SHOC1: variants seen among roughly 807,000 people sequenced by gnomAD.
SHOC1 encodes shortage in chiasmata 1, also known as protein shortage in chiasmata 1 ortholog.
In SHOC1, 136 loss-of-function variants were observed where a neutral mutation model predicts 179.2. The observed-to-expected ratio is 0.76, with a 90% CI of 0.66 to 0.87. The LOEUF is 0.87. Among genes scored for constraint, SHOC1 ranks in the 40% least tolerant of loss-of-function variants. The pLI is 0.00. For missense variants in SHOC1, 1,538 were observed against 1,700.8 expected, an observed-to-expected ratio of 0.90 and a Z score of 1.68; for synonymous variants, 489 against 586.6, an observed-to-expected ratio of 0.83 and a Z score of 2.41.
intron 27 of SHOC1, among the ~76,000 whole-genome samples, chr9:111,690,249 C>A (rs898312546): frequency 6.6e-6 from 1 of 152,038 alleles, no homozygotes; most frequent in Middle Eastern, 3.2e-3. Flanking sequence ...CATAACAAAA[C>A]CCTGTCTCTA....
At chr9:111,695,441 T>G (rs750650040) in intron 24 of SHOC1, among the ~76,000 whole-genome samples, 11 of 152,158 alleles carry the variant, frequency 7.2e-5, no homozygotes, top group Non-Finnish European at 1.3e-4. Context: ...ATTGCTAGTT[T>G]TGGGTGTTTT....
At chr9:111,756,572 C>A in intron 7 of SHOC1, 94 bp from the exon 8 acceptor site, 1 of 1,055,468 alleles carries the variant, frequency 9.5e-7, no homozygotes, top group South Asian at 1.5e-5. Flanking sequence ...AAATGATGTG[C>A]CAAATTTTAA....
chr9:111,703,940 C>T lies in SHOC1; in HGVS notation c.2908G>A (p.Gly970Arg). The change falls in exon 22 of 28, where the codon GGA (glycine) becomes AGA (arginine). Residue 970 changes from glycine (G) to arginine (R), a missense_variant. Coordinates refer to ENST00000682961, the MANE Select transcript of SHOC1 (RefSeq NM_001378211.1). The stretch of plus-strand genomic sequence containing the variant: ...ACCACTACATAACACTCTGAACTTC[C>T]AAAGAGTTTCAATGACTCACTGCAG... ...RGCSESLKLF[G>R]SSECYVVVTI... 1 of 1,608,834 alleles carries T rather than the reference C, an allele frequency of 6.2e-7. No individual in the cohort carries two copies. The highest frequency in any genetic ancestry group is 1.1e-5 in the South Asian group (1 of 90,752).
At chr9:111,756,236 G>T in intron 8 of SHOC1, 89 bp downstream of exon 8, 1 of 1,092,112 alleles carries the variant, frequency 9.2e-7, no homozygotes, top group Non-Finnish European at 1.2e-6. Flanking sequence ...AAATCTGGAG[G>T]TTCAGAAAAA....
At chr9:111,701,220 CT>C (rs1233222623) in intron 23 of SHOC1, among the ~76,000 whole-genome samples, 1 of 152,118 alleles carries the variant, frequency 6.6e-6, no homozygotes, top group Non-Finnish European at 1.5e-5. Flanking sequence ...CAAACAATTT[CT>C]TTTGTATTTT....
chr9:111,708,972 A>T (rs1281457786), intron 18 of SHOC1, among the ~76,000 whole-genome samples: 1 of 152,246 alleles, frequency 6.6e-6, no homozygotes, highest in African/African-American at 2.4e-5. Flanking sequence ...TTTACTTGAC[A>T]TGACAATAGT....
At chr9:111,758,448 T>C (rs1168861095) in intron 6 of SHOC1, among the ~76,000 whole-genome samples, 1 of 152,068 alleles carries the variant, frequency 6.6e-6, no homozygotes, top group Non-Finnish European at 1.5e-5. Context: ...ATACAAAAAT[T>C]AGCTGGGCAC....
At chr9:111,782,687 C>T (rs1251214597) in intron 3 of SHOC1, among the ~76,000 whole-genome samples, 5 of 151,964 alleles carry the variant, frequency 3.3e-5, no homozygotes, top group Admixed American at 2.6e-4. Context: ...CTTAATAAAA[C>T]TGGCTTTCTT....
At chr9:111,766,388 C>G (rs1835360373) in intron 5 of SHOC1, among the ~76,000 whole-genome samples, 1 of 151,986 alleles carries the variant, frequency 6.6e-6, no homozygotes, top group Non-Finnish European at 1.5e-5. Flanking sequence ...GATATAATTT[C>G]CTTTCTTTTC....
intron 19 of SHOC1, among the ~76,000 whole-genome samples, chr9:111,707,273 A>G (rs1284385390): frequency 6.6e-6 from 1 of 152,084 alleles, no homozygotes; most frequent in Non-Finnish European, 1.5e-5. Context: ...ACCACCTACT[A>G]TAATTAAAAT....
chr9:111,767,018 T>C (rs1589458127), intron 5 of SHOC1, among the ~76,000 whole-genome samples: 2 of 111,520 alleles, frequency 1.8e-5, no homozygotes, highest in Non-Finnish European at 3.6e-5. Flanking sequence ...TGTTCATATC[T>C]TTTGCCCATT....
chr9:111,731,335 A>C (rs1331035153), intron 12 of SHOC1, among the ~76,000 whole-genome samples: 1 of 152,206 alleles, frequency 6.6e-6, no homozygotes, highest in Non-Finnish European at 1.5e-5. Context: ...AGTTCTCAAC[A>C]TACCATTCTC....
chr9:111,702,351 C>A, intron 22 of SHOC1, 125 bp from the exon 23 acceptor site: 1 of 617,182 alleles, frequency 1.6e-6, no homozygotes, highest in Non-Finnish European at 2.7e-6. Context: ...GTATGAGCCC[C>A]CATTTCATGG....
chr9:111,748,356 A>C (rs1211273116), intron 8 of SHOC1, among the ~76,000 whole-genome samples, 157 bp from the exon 9 acceptor site: 1 of 152,208 alleles, frequency 6.6e-6, no homozygotes, highest in Non-Finnish European at 1.5e-5. Context: ...TTCTGAAGAA[A>C]ATGCTAACTT....
At chr9:111,739,676 G>T (rs973769362) in intron 11 of SHOC1, among the ~76,000 whole-genome samples, 2 of 152,008 alleles carry the variant, frequency 1.3e-5, no homozygotes, top group African/African-American at 4.8e-5. Flanking sequence ...TTCACATGCA[G>T]TTGCAAGAAA....
At chr9:111,724,418 C>T (rs1345721060) in intron 13 of SHOC1, among the ~76,000 whole-genome samples, 3 of 152,054 alleles carry the variant, frequency 2.0e-5, no homozygotes, top group Non-Finnish European at 2.9e-5. Context: ...GGGCTCACTG[C>T]AGCCTTGACC....
chr9:111,743,313 C>T lies in SHOC1; in HGVS notation c.1080-1743G>A, dbSNP rs527430003. Among the ~76,000 whole-genome samples the T allele has an allele frequency of 3.0e-4, 45 of 152,164 alleles. 2 individuals carry two copies. In the South Asian group the frequency reaches 6.8e-3, roughly 23 times the overall value. ...CCCTTATCCATGAGTTCACTATACT[C>T]GGTTTCATTTATCTGTGTTCAACTG... On this transcript the variant is annotated intron_variant, in intron 10 of 27. Transcript: ENST00000682961.
intron 4 of SHOC1, among the ~76,000 whole-genome samples, chr9:111,776,277 G>A (rs2131619245): frequency 6.6e-6 from 1 of 152,166 alleles, no homozygotes; most frequent in Non-Finnish European, 1.5e-5. Context: ...TATTTGAATG[G>A]ATAAACAGGG....
At chr9:111,705,140 A>G in intron 21 of SHOC1, 107 bp downstream of exon 21, 1 of 455,316 alleles carries the variant, frequency 2.2e-6, no homozygotes, top group Non-Finnish European at 3.9e-6. Flanking sequence ...ACACATATAC[A>G]GCATAATATT....
Sources: gnomAD v4.1 joint callset for allele counts (sites outside exome capture counted in the v4.1 genomes callset) on GRCh38, gnomAD v4.1.1 for gene constraint, MANE v1.5 for transcripts, NCBI Gene and HGNC (gene_info 2026-07-23, HGNC 2026-07-21) for gene names.